The following SPMIP2 variants were observed in gnomAD, a reference collection of about 807,000 sequenced individuals.
The protein encoded by SPMIP2 is sperm microtubule inner protein 2.
At chr4:159,030,774 G>C in the SPMIP2 span, among the ~76,000 whole-genome samples, 1 of 152,020 alleles carries the variant, frequency 6.6e-6, no homozygotes, top group Non-Finnish European at 1.5e-5. Flanking sequence ...GGGATCACAG[G>C]GTGTGAGCCA....
chr4:159,010,282 C>T, the SPMIP2 span, among the ~76,000 whole-genome samples: 1 of 152,164 alleles, frequency 6.6e-6, no homozygotes, highest in African/African-American at 2.4e-5. Flanking sequence ...GCAGGTATGA[C>T]CTTGCACTCT....
the SPMIP2 span, among the ~76,000 whole-genome samples, chr4:159,006,573 C>T: frequency 1.3e-5 from 2 of 152,112 alleles, no homozygotes; most frequent in African/African-American, 2.4e-5. Flanking sequence ...TTCATTCAAC[C>T]TAATACTCAT....
the SPMIP2 span, among the ~76,000 whole-genome samples, chr4:158,985,569 G>C: frequency 6.9e-6 from 1 of 144,782 alleles, no homozygotes; most frequent in African/African-American, 2.6e-5. Context: ...AAAGGCCTTT[G>C]AAAAAATTCA....
At chr4:158,994,477 A>G in the SPMIP2 span, among the ~76,000 whole-genome samples, 1 of 152,224 alleles carries the variant, frequency 6.6e-6, no homozygotes, top group Non-Finnish European at 1.5e-5. Context: ...TAATACTTAG[A>G]GGTAGAAGGA....
chr4:159,081,130 C>T, the SPMIP2 span, among the ~76,000 whole-genome samples: 5 of 151,620 alleles, frequency 3.3e-5, no homozygotes, highest in East Asian at 5.8e-4. Context: ...CTCCACCTCC[C>T]GGGTTCAAGT....
chr4:158,943,859 T>TTTTTTC, the SPMIP2 span, among the ~76,000 whole-genome samples: 2 of 31,176 alleles, frequency 6.4e-5, no homozygotes, highest in African/African-American at 2.8e-4. Context: ...TGACATTTTC[T>TTTTTTC]TTTTTTTTTT....
chr4:158,908,831 C>G, the SPMIP2 span, among the ~76,000 whole-genome samples: 1 of 152,162 alleles, frequency 6.6e-6, no homozygotes, highest in African/African-American at 2.4e-5. Flanking sequence ...GGGTTACAGG[C>G]ATGCGCCACC....
At chr4:158,968,637 C>T in the SPMIP2 span, among the ~76,000 whole-genome samples, 19 of 152,196 alleles carry the variant, frequency 1.2e-4, no homozygotes, top group Admixed American at 1.2e-3. Context: ...TATTTACTAG[C>T]TGTGTGGCCT....
the SPMIP2 span, chr4:158,906,073 T>C: frequency 6.6e-6 from 1 of 152,228 alleles, no homozygotes; most frequent in Non-Finnish European, 1.5e-5. Flanking sequence ...GCATTAAGTT[T>C]TGTAAGATCT....
chr4:158,967,078 T>G, the SPMIP2 span, among the ~76,000 whole-genome samples: 2 of 152,220 alleles, frequency 1.3e-5, no homozygotes, highest in Admixed American at 1.3e-4. Flanking sequence ...CACGCCTCCC[T>G]TGATGTTTCC....
At chr4:158,992,309 A>G in the SPMIP2 span, among the ~76,000 whole-genome samples, 1 of 152,222 alleles carries the variant, frequency 6.6e-6, no homozygotes, top group Non-Finnish European at 1.5e-5. Context: ...TGCTGGCTAC[A>G]TTTGCCTTGC....
chr4:159,048,895 G>A, the SPMIP2 span, among the ~76,000 whole-genome samples: 2 of 151,758 alleles, frequency 1.3e-5, no homozygotes, highest in Non-Finnish European at 2.9e-5. Context: ...TTTAAAACCT[G>A]AGATAATTTA....
At chr4:158,928,926 GAAGA>G in the SPMIP2 span, among the ~76,000 whole-genome samples, 1 of 152,072 alleles carries the variant, frequency 6.6e-6, no homozygotes, top group African/African-American at 2.4e-5. Flanking sequence ...CCACCGGAAG[GAAGA>G]AACTCTGAAC....
chr4:158,896,658 G>A, the SPMIP2 span, among the ~76,000 whole-genome samples: 1 of 152,016 alleles, frequency 6.6e-6, no homozygotes, highest in Non-Finnish European at 1.5e-5. Flanking sequence ...TGTGACGCCT[G>A]TGTTGTTCGG....
the SPMIP2 span, among the ~76,000 whole-genome samples, chr4:159,031,661 T>C: frequency 6.6e-6 from 1 of 152,240 alleles, no homozygotes; most frequent in Non-Finnish European, 1.5e-5. Context: ...AATGTGACTA[T>C]GTAAGAATAT....
the SPMIP2 span, among the ~76,000 whole-genome samples, chr4:159,054,788 T>C: frequency 6.6e-6 from 1 of 152,174 alleles, no homozygotes; most frequent in South Asian, 2.1e-4. Context: ...CAATGCACTA[T>C]CTTTCATGGT....
chr4:158,904,700 GCTTCATTGAAGA>G, the SPMIP2 span: 1 of 648,798 alleles, frequency 1.5e-6, no homozygotes, highest in Non-Finnish European at 2.7e-6. Flanking sequence ...TCAAGCTGAT[GCTTCATTGAAGA>G]CTTAGGTTTA....
the SPMIP2 span, among the ~76,000 whole-genome samples, chr4:159,043,947 A>G: frequency 2.6e-5 from 4 of 152,368 alleles, no homozygotes; most frequent in South Asian, 8.3e-4. Context: ...TCTTATAATT[A>G]TAACATAAAA....
At chr4:158,986,337 A>G in the SPMIP2 span, among the ~76,000 whole-genome samples, 32 of 152,276 alleles carry the variant, frequency 2.1e-4, 1 homozygote, top group Admixed American at 6.5e-4. Flanking sequence ...GTCAATCCTA[A>G]GACAAAAGAA....
Sources: allele counts gnomAD v4.1 joint callset (sites outside exome capture counted in the v4.1 genomes callset), GRCh38; gene constraint gnomAD v4.1.1; transcripts MANE v1.5; gene names NCBI Gene and HGNC (gene_info 2026-07-23, HGNC 2026-07-21).